Variants in DTX4 observed in about 807,000 individuals in gnomAD.
DTX4 encodes deltex E3 ubiquitin ligase 4, also known as E3 ubiquitin-protein ligase DTX4.
Under a neutral mutation model 57.6 loss-of-function variants are expected in DTX4, and 28 were observed. The observed-to-expected ratio is 0.49, with a 90% CI of 0.36 to 0.67. The LOEUF is 0.67. Among genes scored for constraint, DTX4 ranks in the 30% least tolerant of loss-of-function variants. DTX4 has a pLI of 0.00. For synonymous variants in DTX4, 316 were observed against 331.0 expected (o/e 0.95, Z 0.49); for missense variants, 715 against 836.8 (o/e 0.85, Z 1.80).
intron 4 of DTX4, among the ~76,000 whole-genome samples, 196 bp from the exon 5 acceptor site, chr11:59,190,918 C>T (rs887300916): frequency 2.0e-5 from 3 of 152,202 alleles, no homozygotes; most frequent in Non-Finnish European, 4.4e-5. Flanking sequence ...ATAAAGCCTT[C>T]TCGTCAAACC....
intron 1 of DTX4, among the ~76,000 whole-genome samples, chr11:59,174,342 A>G (rs1862368663): frequency 6.6e-6 from 1 of 151,544 alleles, no homozygotes; most frequent in Non-Finnish European, 1.5e-5. Context: ...AGAGAATGTC[A>G]TTGCGCAACT....
chr11:59,184,052 T>C (rs751501958), intron 2 of DTX4, among the ~76,000 whole-genome samples: 1 of 152,208 alleles, frequency 6.6e-6, no homozygotes, highest in Non-Finnish European at 1.5e-5. Flanking sequence ...CAAAGGCAGT[T>C]TATAACAGGC....
At position 59,193,134 on chromosome 11, in the gene DTX4, G is replaced by GTCA. The variant is rs1312894121; in HGVS notation, c.1374+886_1374+887insATC. Among the ~76,000 whole-genome samples, 9 of 152,246 alleles carry GTCA rather than the reference G, an allele frequency of 5.9e-5. No homozygotes were observed. The East Asian group carries it at 1.3e-3, about 23-fold the overall frequency. On this transcript the variant is annotated intron_variant, in intron 6 of 8. Transcript: ENST00000227451. ...TACGTCTGTCTGGTCTGGTCTATAC[G>GTCA]TCTCTTACTGTGGGAAAGAAGTAGA...
intron 7 of DTX4, among the ~76,000 whole-genome samples, chr11:59,196,876 T>C (rs886143640): frequency 6.6e-6 from 1 of 152,192 alleles, no homozygotes; most frequent in Non-Finnish European, 1.5e-5. Context: ...TTTTGTTATA[T>C]ATTGCAATGT....
chr11:59,192,693 A>AT (rs999197391), intron 6 of DTX4, among the ~76,000 whole-genome samples: 4 of 152,230 alleles, frequency 2.6e-5, no homozygotes, highest in African/African-American at 9.6e-5. Context: ...AGGGTTAGTG[A>AT]TTTTCAGCTA....
intron 1 of DTX4, among the ~76,000 whole-genome samples, chr11:59,176,334 T>G (rs888708687): frequency 5.9e-5 from 9 of 152,242 alleles, no homozygotes; most frequent in Admixed American, 5.9e-4. Flanking sequence ...ATGAAGAACC[T>G]ATTATTATCC....
At chr11:59,188,641 G>A (rs1474047754) in intron 2 of DTX4, 94 bp from the exon 3 acceptor site, 4 of 1,067,174 alleles carry the variant, frequency 3.7e-6, no homozygotes, top group Non-Finnish European at 5.7e-6. Flanking sequence ...TGTCTGCTGT[G>A]TTAAGCACTT....
chr11:59,203,603 G>T (rs780350772), intron 8 of DTX4, among the ~76,000 whole-genome samples: 7 of 152,140 alleles, frequency 4.6e-5, no homozygotes, highest in Non-Finnish European at 1.0e-4. Flanking sequence ...ACTGCCTGAG[G>T]CTGTTTTACA....
At chr11:59,198,025 A>G (rs1028040179) in intron 7 of DTX4, among the ~76,000 whole-genome samples, 1 of 152,188 alleles carries the variant, frequency 6.6e-6, no homozygotes, top group African/African-American at 2.4e-5. Flanking sequence ...TAGGATCTAC[A>G]TTCATCCCTG....
chr11:59,185,064 GA>G (rs1862511526), intron 2 of DTX4, among the ~76,000 whole-genome samples: 1 of 152,194 alleles, frequency 6.6e-6, no homozygotes, highest in African/African-American at 2.4e-5. Context: ...GTGGGATGAA[GA>G]GAAAGGTTTG....
Position 59,189,202 on chromosome 11 carries a change from G to T in DTX4, c.1038G>T (p.Val346=), listed in dbSNP as rs776242418. 3.0e-5 allele frequency: 49 copies of T among 1,613,632 alleles called. No homozygotes were observed. The highest frequency in any genetic ancestry group is 3.8e-5 in the Non-Finnish European group (45 of 1,179,844). The change falls in exon 4 of 9, where the codon GTG becomes GTT. Residue 346 remains valine, a synonymous_variant. Coordinates refer to ENST00000227451, the MANE Select transcript of DTX4 (RefSeq NM_015177.2). ...GILMSAAGLP[V]CLTRPPKLVL... Reference sequence around the variant, plus strand: ...TCATGAGTGCAGCGGGGCTGCCTGTGTGTCTCACCAGGCCACCAAAGCTGG... The same window carrying T: ...TCATGAGTGCAGCGGGGCTGCCTGTTTGTCTCACCAGGCCACCAAAGCTGG...
At position 59,205,581 on chromosome 11, in the gene DTX4, G is replaced by C. The variant is rs1565223165; in HGVS notation, c.*672G>C. The C allele has an allele frequency of 6.5e-6, 1 of 153,390 alleles. No individual in the cohort carries two copies. The highest frequency in any genetic ancestry group is 1.5e-5 in the Non-Finnish European group (1 of 68,620). The allele number at this position is 153,390 out of a possible 1,614,324, so 9.5% of individuals were successfully genotyped here. A position where few individuals can be genotyped will look rare whatever the true frequency, so the allele number is the denominator to read the frequency against. ...TCACAGCTCTCACCTGTCCAAAGAGGCATCTGGTTCTCTCATGTGGATGGA... is the reference window on the plus strand; with the variant it reads ...TCACAGCTCTCACCTGTCCAAAGAGCCATCTGGTTCTCTCATGTGGATGGA... On this transcript the variant is annotated 3_prime_UTR_variant, in exon 9 of 9. Transcript: ENST00000227451.
At chr11:59,198,992 C>T (rs2135525328) in intron 7 of DTX4, among the ~76,000 whole-genome samples, 1 of 152,256 alleles carries the variant, frequency 6.6e-6, no homozygotes, top group Admixed American at 6.5e-5. Context: ...CCTGAGACTG[C>T]CTACTTAATA....
intron 3 of DTX4, 24 bp downstream of exon 3, chr11:59,188,820 T>A (rs1862560165): frequency 6.2e-7 from 1 of 1,601,342 alleles, no homozygotes; most frequent in Admixed American, 1.7e-5. Flanking sequence ...CAGGATGCTC[T>A]GGGTTAAGGT....
Position 59,192,120 on chromosome 11 carries a change from G to A in DTX4, c.1244G>A (p.Arg415His), listed in dbSNP as rs375535068. Reference sequence around the variant, plus strand: ...CAGGACTGCACCATCTGTATGGAACGCCTCACGGCCCCCTCAGGCTACAAG... The same window carrying A: ...CAGGACTGCACCATCTGTATGGAACACCTCACGGCCCCCTCAGGCTACAAG... ...PDEDCTICME[R>H]LTAPSGYKGP... is the part of the protein sequence containing the mutation. The change falls in exon 6 of 9, where the codon CGC becomes CAC. Residue 415 changes from arginine to histidine, a missense_variant. By Grantham distance (29) the Arg-to-His change is conservative (BLOSUM62 0). Transcript: ENST00000227451. The A allele has an allele frequency of 1.9e-5, 30 of 1,613,470 alleles. No individual in the cohort carries two copies. Among genetic ancestry groups the A allele is most frequent in the Admixed American group, 8.3e-5 (5 of 59,996 alleles).
chr11:59,173,122 G>C (rs1862349345), intron 1 of DTX4, among the ~76,000 whole-genome samples: 1 of 152,156 alleles, frequency 6.6e-6, no homozygotes, highest in African/African-American at 2.4e-5. Context: ...TTTCTATGTA[G>C]AAATTCTAGG....
rs1412393714 is a variant in DTX4 at position 59,206,508 on chromosome 11, C to CATATATATATATATATATATATATATAT, written c.*1599_*1600insATATATATATATATATATATATATATAT. 1.3e-4 allele frequency: 10 copies of CATATATATATATATATATATATATATAT among 75,696 alleles called. No homozygotes were observed. The East Asian group carries it at 1.7e-3, about 13-fold the overall frequency. The allele number at this position is 75,696 out of a possible 1,614,324, so 4.7% of individuals were successfully genotyped here. On this transcript the variant is annotated 3_prime_UTR_variant, in exon 9 of 9. Transcript: ENST00000227451. ...TATACCTCATGTTTTGGGGGTTTGACGTATATATATATATATATATATGCA... is the reference window on the plus strand; with the variant it reads ...TATACCTCATGTTTTGGGGGTTTGACATATATATATATATATATATATATATATGTATATATATATATATATATATGCA...
chr11:59,188,922 A>G (rs192678176), intron 3 of DTX4, 126 bp downstream of exon 3: 23 of 1,032,854 alleles, frequency 2.2e-5, no homozygotes, highest in Middle Eastern at 4.1e-4. Flanking sequence ...TGATTTTAGG[A>G]ATTGCATGGG....
At chr11:59,189,020 G>A in intron 3 of DTX4, 142 bp from the exon 4 acceptor site, 2 of 1,073,182 alleles carry the variant, frequency 1.9e-6, no homozygotes, top group South Asian at 3.1e-5. Flanking sequence ...AGTTTCTGGG[G>A]AAAGTACAGG....
Sources: gnomAD v4.1 joint callset for allele counts (sites outside exome capture counted in the v4.1 genomes callset) on GRCh38, gnomAD v4.1.1 for gene constraint, MANE v1.5 for transcripts, NCBI Gene and HGNC (gene_info 2026-07-23, HGNC 2026-07-21) for gene names.